The following PANK2 variants were observed in gnomAD, a reference collection of about 807,000 sequenced individuals.
PANK2 encodes the protein pantothenate kinase 2, also known as pantothenate kinase 2, mitochondrial.
In PANK2, 36 loss-of-function variants were observed where a neutral mutation model predicts 43.1. The observed-to-expected ratio is 0.84, with a 90% CI of 0.64 to 1.10. PANK2 has a LOEUF of 1.10. PANK2 is among the 50% of genes least tolerant of loss of function. The pLI is 0.00. For synonymous variants in PANK2, 281 were observed against 238.2 expected (o/e 1.18, Z -1.66); for missense variants, 576 against 593.3 (o/e 0.97, Z 0.30).
chr20:3,917,014 C>T lies in PANK2; in HGVS notation c.1170C>T (p.Asn390=). The change falls in exon 5 of 7, where the codon AAC becomes AAT. Residue 390 remains asparagine, a synonymous_variant. Transcript: ENST00000610179. The stretch of plus-strand genomic sequence containing the variant: ...CGACTTTGATCACCATCACCAACAA[C>T]ATTGGCTCAATAGCAAGAATGTGTG... 1.2e-6 allele frequency: 2 copies of T among 1,614,018 alleles called. No homozygotes were observed. Among genetic ancestry groups the T allele is most frequent in the Non-Finnish European group, 8.5e-7 (1 of 1,179,978 alleles).
In PANK2 at chr20:3,910,569, C is replaced by T; in HGVS notation, c.652-8C>T. On this transcript the variant is annotated splice_region_variant and splice_polypyrimidine_tract_variant and intron_variant, in intron 2 of 6. Transcript: ENST00000610179. ...AAAAAGTCTGAGTACATTCTTATTT[C>T]ATTACAGATAGGTGATCTTCAGCTT... 1.9e-6 allele frequency: 3 copies of T among 1,613,920 alleles called. No individual in the cohort carries two copies. The highest frequency in any genetic ancestry group is 2.5e-6 in the Non-Finnish European group (3 of 1,179,942).
Position 3,889,540 on chromosome 20 carries a change from C to T in PANK2, c.110C>T (p.Ala37Val), listed in dbSNP as rs1190418572. 7.0e-7 allele frequency: 1 copy of T among 1,422,470 alleles called. No individual in the cohort carries two copies. Among genetic ancestry groups the T allele is most frequent in the Admixed American group, 3.2e-5 (1 of 31,714 alleles). The allele number at this position is 1,422,470 out of a possible 1,614,324, so 88.1% of individuals were successfully genotyped here. ...GCTTCCGCCACCTCCGTCTCGTCGG[C>T]TGGGGAGCAGGCGGCCGGGGACCCC... Residue 37 changes from alanine (A) to valine (V), a missense_variant, in exon 1 of 7, where the codon GCT (alanine) becomes GTT (valine). By Grantham distance (64) the Ala-to-Val change is moderately conservative (BLOSUM62 0). Around this residue, in one of 2 missense-constraint regions of PANK2, gnomAD observed 544 missense variants for 528.9 expected, o/e 1.03. Transcript: ENST00000610179.
chr20:3,916,608 TG>T (rs996727466), intron 4 of PANK2, among the ~76,000 whole-genome samples: 34 of 152,328 alleles, frequency 2.2e-4, no homozygotes, highest in African/African-American at 7.0e-4. Context: ...GGTGTTGTCC[TG>T]GAACTGTCTG....
intron 1 of PANK2, chr20:3,901,692 TA>T (rs925443809): frequency 9.4e-5 from 74 of 783,574 alleles, no homozygotes; most frequent in South Asian, 1.2e-4. Flanking sequence ...GCTCTTGGAT[TA>T]AAAAAAAGTT....
intron 1 of PANK2, among the ~76,000 whole-genome samples, chr20:3,906,309 A>G (rs1432803133): frequency 6.6e-6 from 1 of 152,108 alleles, no homozygotes; most frequent in Non-Finnish European, 1.5e-5. Context: ...CTTTAGTCCC[A>G]GCTGCTCAGG....
At chr20:3,922,761 C>CT (rs1269144731) in intron 6 of PANK2, among the ~76,000 whole-genome samples, 1 of 152,156 alleles carries the variant, frequency 6.6e-6, no homozygotes, top group Non-Finnish European at 1.5e-5. Flanking sequence ...CATCTTATCT[C>CT]TTACTCTCCC....
At chr20:3,904,638 A>G (rs1337686068) in intron 1 of PANK2, among the ~76,000 whole-genome samples, 1 of 152,192 alleles carries the variant, frequency 6.6e-6, no homozygotes, top group African/African-American at 2.4e-5. Flanking sequence ...TACGTTGTTT[A>G]TTTAGTTGTA....
chr20:3,912,362 G>A, intron 3 of PANK2, 96 bp from the exon 4 acceptor site: 1 of 1,325,996 alleles, frequency 7.5e-7, no homozygotes, highest in Non-Finnish European at 1.1e-6. Context: ...TGATTGGGTT[G>A]GATATGTGAA....
intron 1 of PANK2, among the ~76,000 whole-genome samples, chr20:3,896,056 CTG>C (rs1024923528): frequency 6.6e-5 from 10 of 151,182 alleles, no homozygotes; most frequent in African/African-American, 1.5e-4. Flanking sequence ...TAAAAGTAAA[CTG>C]TGTGTTTCTT....
At chr20:3,892,376 T>A (rs553821477) in intron 1 of PANK2, among the ~76,000 whole-genome samples, 64 of 151,938 alleles carry the variant, frequency 4.2e-4, no homozygotes, top group African/African-American at 1.5e-3. Context: ...AGCAGCTTGT[T>A]GACTGCCGAA....
rs1414739575 is a variant in PANK2, at chr20:3,927,169, C to G, written c.*3875C>G. 6.6e-6 allele frequency: 1 copy of G among 152,250 alleles called. No individual in the cohort carries two copies. The highest frequency in any genetic ancestry group is 1.5e-5 in the Non-Finnish European group (1 of 68,118). 9.4% of individuals were successfully genotyped at this position (152,250 alleles called of 1,614,324 possible). ...CTTGCACACTATGCCACAGGAAGGG[C>G]AGGGGCTTCCATCACAATCACTCAG... On this transcript the variant is annotated 3_prime_UTR_variant, in exon 7 of 7. Transcript: ENST00000610179.
rs575921659 is a variant in PANK2, at chr20:3,929,190, G to C, written c.*5896G>C. The C allele has an allele frequency of 1.7e-4, 26 of 152,298 alleles. No individual in the cohort carries two copies. Among genetic ancestry groups the C allele is most frequent in the African/African-American group, 6.0e-4 (25 of 41,546 alleles). The allele number at this position is 152,298 out of a possible 1,614,324, so 9.4% of individuals were successfully genotyped here. ...TCTTTTCAAAGTGTGTGCACAGAGT[G>C]AGGAGGCCAGCCTGGGCAACATAGT... On this transcript the variant is annotated 3_prime_UTR_variant, in exon 7 of 7. Coordinates refer to ENST00000610179, the MANE Select transcript of PANK2 (RefSeq NM_001386393.1).
At chr20:3,905,873 G>A (rs576306327) in intron 1 of PANK2, among the ~76,000 whole-genome samples, 7 of 151,284 alleles carry the variant, frequency 4.6e-5, no homozygotes, top group African/African-American at 1.7e-4. Context: ...CCGCCACCAC[G>A]CCCGGCTAAT....
intron 6 of PANK2, among the ~76,000 whole-genome samples, chr20:3,922,280 C>G (rs943941115): frequency 1.3e-5 from 2 of 152,200 alleles, no homozygotes; most frequent in Admixed American, 1.3e-4. Flanking sequence ...CTGATTCTTG[C>G]TAGTGTTCTC....
chr20:3,913,777 T>C lies in PANK2; in HGVS notation c.1082+1143T>C, dbSNP rs6139237. On this transcript the variant is annotated intron_variant, in intron 4 of 6. Coordinates refer to ENST00000610179, the MANE Select transcript of PANK2 (RefSeq NM_001386393.1). Reference sequence around the variant, plus strand: ...GTATGTATGCACACACACACACACATATATATATATATATTTTTTTTTTTT... The same window carrying C: ...GTATGTATGCACACACACACACACACATATATATATATATTTTTTTTTTTT... 3.1e-3 allele frequency among the ~76,000 whole-genome samples: 351 copies of C among 114,378 alleles called. 1 individual carries two copies. Among genetic ancestry groups the C allele is most frequent in the African/African-American group, 9.0e-3 (290 of 32,142 alleles). 75.0% of individuals were successfully genotyped at this position (114,378 alleles called of 152,430 possible).
intron 4 of PANK2, among the ~76,000 whole-genome samples, chr20:3,914,649 G>C (rs2090530121): frequency 6.6e-6 from 1 of 151,786 alleles, no homozygotes. Context: ...GCCCAGGCTG[G>C]AGTGCAGTGA....
chr20:3,889,398 A>G lies in PANK2; in HGVS notation c.-33A>G. The G allele has an allele frequency of 1.3e-6, 2 of 1,573,124 alleles. No individual in the cohort carries two copies. Among genetic ancestry groups the G allele is most frequent in the East Asian group, 2.3e-5 (1 of 42,782 alleles). ...GAGGGCGCGCCTCTGCTCTGGCTGG[A>G]CTGCCGCGGAGGAGGCGAGAAGGAA... On this transcript the variant is annotated 5_prime_UTR_variant, in exon 1 of 7. Coordinates refer to ENST00000610179, the MANE Select transcript of PANK2 (RefSeq NM_001386393.1).
chr20:3,910,070 C>T (rs1029651523), intron 2 of PANK2, among the ~76,000 whole-genome samples: 4 of 152,202 alleles, frequency 2.6e-5, no homozygotes, highest in South Asian at 4.1e-4. Flanking sequence ...ATCTTACCTT[C>T]TAACTGGATA....
At chr20:3,907,758 G>A (rs761318077) in intron 1 of PANK2, among the ~76,000 whole-genome samples, 168 bp from the exon 2 acceptor site, 2 of 151,798 alleles carry the variant, frequency 1.3e-5, no homozygotes, top group Non-Finnish European at 2.9e-5. Context: ...TTTTTTTTAA[G>A]TTATGCATCT....
Sources: gnomAD v4.1 joint callset for allele counts (sites outside exome capture counted in the v4.1 genomes callset) on GRCh38, gnomAD v4.1.1 for gene constraint, gnomAD v4.1.1 regional missense constraint, MANE v1.5 for transcripts, NCBI Gene and HGNC (gene_info 2026-07-23, HGNC 2026-07-21) for gene names.